PCGF5: variants seen among roughly 807,000 people sequenced by gnomAD.
PCGF5 encodes polycomb group RING finger protein 5.
Under a neutral mutation model 44.3 loss-of-function variants are expected in PCGF5, and 9 were observed. The observed-to-expected ratio is 0.20, with a 90% CI of 0.12 to 0.35. The LOEUF (loss-of-function observed/expected upper bound fraction) is 0.35, where lower values mean the gene tolerates loss of function less well. PCGF5 is among the 10% of genes least tolerant of loss of function. The pLI is 1.00. For missense variants in PCGF5, 146 were observed against 305.3 expected (o/e 0.48, Z 3.89); for synonymous variants, 95 against 102.5 (o/e 0.93, Z 0.44).
intron 2 of PCGF5, among the ~76,000 whole-genome samples, chr10:91,238,725 T>C (rs1845246578): frequency 6.8e-6 from 1 of 147,350 alleles, no homozygotes; most frequent in South Asian, 2.3e-4. Context: ...CTCTGTCTTC[T>C]ACTTCAACTT....
intron 6 of PCGF5, among the ~76,000 whole-genome samples, chr10:91,258,693 C>T (rs903255819): frequency 9.9e-5 from 15 of 152,096 alleles, no homozygotes; most frequent in African/African-American, 3.6e-4. Context: ...ACATTTATCC[C>T]TTTGTTTTCA....
At chr10:91,266,700 G>A (rs1226218917) in intron 8 of PCGF5, among the ~76,000 whole-genome samples, 1 of 152,124 alleles carries the variant, frequency 6.6e-6, no homozygotes, top group African/African-American at 2.4e-5. Flanking sequence ...AACCTCAATA[G>A]TTCTAAGATT....
At chr10:91,274,063 C>T (rs1300447429) in intron 9 of PCGF5, among the ~76,000 whole-genome samples, 1 of 151,744 alleles carries the variant, frequency 6.6e-6, no homozygotes, top group Non-Finnish European at 1.5e-5. Flanking sequence ...ACATTTTTTG[C>T]CTCCTCTTCC....
chr10:91,226,289 T>TAAAAAAGAA (rs1844835210), intron 2 of PCGF5, among the ~76,000 whole-genome samples: 1 of 75,140 alleles, frequency 1.3e-5, no homozygotes, highest in Non-Finnish European at 2.4e-5. Flanking sequence ...TTAAGAAATG[T>TAAAAAAGAA]AAAAAAAAAA....
At chr10:91,203,147 C>A (rs1844284281) in intron 1 of PCGF5, among the ~76,000 whole-genome samples, 1 of 152,186 alleles carries the variant, frequency 6.6e-6, no homozygotes, top group African/African-American at 2.4e-5. Context: ...TAATTTAGGT[C>A]TCTAGAGCAT....
chr10:91,217,085 G>A (rs1350256062), upstream of PCGF5, among the ~76,000 whole-genome samples: 1 of 151,796 alleles, frequency 6.6e-6, no homozygotes, highest in African/African-American at 2.4e-5. Flanking sequence ...CCAGGATGGA[G>A]TGCAGTGGCA....
chr10:91,176,476 C>T (rs1014569324), intron 1 of PCGF5, among the ~76,000 whole-genome samples: 4 of 152,112 alleles, frequency 2.6e-5, no homozygotes, highest in Admixed American at 1.3e-4. Flanking sequence ...AGATTGGGGA[C>T]GTTCTCCTGG....
At chr10:91,185,106 G>T (rs1843895498) in intron 1 of PCGF5, among the ~76,000 whole-genome samples, 1 of 152,216 alleles carries the variant, frequency 6.6e-6, no homozygotes, top group Non-Finnish European at 1.5e-5. Context: ...CATGAAGCTG[G>T]AACAGCTAAG....
At chr10:91,163,394 TGGCCGCGGCCCCGCCGCGGG>T (rs1405491618) in intron 1 of PCGF5, among the ~76,000 whole-genome samples, 1 of 151,736 alleles carries the variant, frequency 6.6e-6, no homozygotes, top group African/African-American at 2.4e-5. Context: ...CTTCCAGTCC[TGGCCGCGGCCCCGCCGCGGG>T]AGCAGCGGCT....
At position 91,264,421 on chromosome 10, in the gene PCGF5, C is replaced by T; in HGVS notation, c.574-10C>T. 1 of 1,581,496 alleles carries T rather than the reference C, an allele frequency of 6.3e-7. No homozygotes were observed. Among genetic ancestry groups the T allele is most frequent in the African/African-American group, 1.4e-5 (1 of 73,394 alleles). On this transcript the variant is annotated splice_polypyrimidine_tract_variant and intron_variant, in intron 7 of 9. Transcript: ENST00000336126. ...TTATGTTAATAGATCTATAATGATT[C>T]TTTTTAAAGTTGGATGTGCTGTGCA...
chr10:91,223,949 T>A (rs940712902), intron 2 of PCGF5, among the ~76,000 whole-genome samples: 1 of 152,186 alleles, frequency 6.6e-6, no homozygotes, highest in African/African-American at 2.4e-5. Flanking sequence ...ACTTTTTTTT[T>A]AATTTTTATT....
At chr10:91,191,321 T>C (rs888447848) in intron 1 of PCGF5, among the ~76,000 whole-genome samples, 1 of 152,168 alleles carries the variant, frequency 6.6e-6, no homozygotes, top group Non-Finnish European at 1.5e-5. Flanking sequence ...ATAACTGAGA[T>C]GGCTACTGAG....
At chr10:91,257,355 G>A (rs893256620) in intron 6 of PCGF5, among the ~76,000 whole-genome samples, 58 of 152,158 alleles carry the variant, frequency 3.8e-4, no homozygotes, top group African/African-American at 1.3e-3. Flanking sequence ...CGTTGCTAGT[G>A]GGAAGGTGAA....
intron 1 of PCGF5, among the ~76,000 whole-genome samples, chr10:91,213,770 C>A (rs536116114): frequency 1.7e-4 from 26 of 152,100 alleles, no homozygotes; most frequent in Admixed American, 3.9e-4. Context: ...CAGGCGTGAG[C>A]CACCATGCCC....
intron 1 of PCGF5, among the ~76,000 whole-genome samples, chr10:91,197,005 AAAC>A (rs1228112689): frequency 2.6e-5 from 4 of 152,086 alleles, no homozygotes; most frequent in East Asian, 1.9e-4. Context: ...ATCTCTTTTT[AAAC>A]AACAACAACA....
At chr10:91,208,450 C>T (rs1844386675) in intron 1 of PCGF5, among the ~76,000 whole-genome samples, 1 of 152,096 alleles carries the variant, frequency 6.6e-6, no homozygotes, top group South Asian at 2.1e-4. Context: ...TATGAATCAC[C>T]TGAGGGCCCA....
At chr10:91,233,883 A>G (rs1589384368) in intron 2 of PCGF5, among the ~76,000 whole-genome samples, 1 of 152,368 alleles carries the variant, frequency 6.6e-6, no homozygotes, top group African/African-American at 2.4e-5. Context: ...AAAAGATTTT[A>G]ACAAAGGAAG....
intron 1 of PCGF5, among the ~76,000 whole-genome samples, chr10:91,203,043 A>G (rs1011774520): frequency 6.6e-6 from 1 of 152,178 alleles, no homozygotes; most frequent in Non-Finnish European, 1.5e-5. Context: ...ACAAACAAAA[A>G]TGGTGACTTT....
chr10:91,237,742 T>TA (rs11402069), intron 2 of PCGF5, among the ~76,000 whole-genome samples: 19,181 of 143,578 alleles, frequency 0.13, 2,253 homozygotes, highest in African/African-American at 0.32. Context: ...AGAATCCATC[T>TA]AAAAAAAAAA....
Sources: gnomAD v4.1 joint callset for allele counts (sites outside exome capture counted in the v4.1 genomes callset) on GRCh38, gnomAD v4.1.1 for gene constraint, MANE v1.5 for transcripts, NCBI Gene and HGNC (gene_info 2026-07-23, HGNC 2026-07-21) for gene names.